PPP2R2B: variants seen among roughly 807,000 people sequenced by gnomAD.
The protein encoded by PPP2R2B is protein phosphatase 2 regulatory subunit Bbeta.
In PPP2R2B, 5 loss-of-function variants were observed where a neutral mutation model predicts 46.0. That is an observed-to-expected ratio of 0.11 (90% confidence interval 0.06 to 0.23). PPP2R2B has a LOEUF of 0.23. Among genes scored for constraint, PPP2R2B ranks in the 10% least tolerant of loss-of-function variants. PPP2R2B has a pLI of 1.00. For missense variants in PPP2R2B, 367 were observed against 575.0 expected (o/e 0.64, Z 3.70); for synonymous variants, 215 against 206.7 (o/e 1.04, Z -0.34).
intron 8 of PPP2R2B, among the ~76,000 whole-genome samples, chr5:146,599,482 T>C (rs1270727328): frequency 6.6e-6 from 1 of 152,208 alleles, no homozygotes; most frequent in African/African-American, 2.4e-5. Context: ...TGGTCCTCCA[T>C]TGTACCCAGT....
chr5:146,695,286 TA>T (rs1007759893), intron 4 of PPP2R2B, among the ~76,000 whole-genome samples: 3 of 152,268 alleles, frequency 2.0e-5, no homozygotes, highest in African/African-American at 7.2e-5. Flanking sequence ...TGTTTTTCTA[TA>T]TTTTTTTTTC....
chr5:147,054,769 C>A, intron 1 of PPP2R2B: 1 of 447,656 alleles, frequency 2.2e-6, no homozygotes, highest in Non-Finnish European at 4.5e-6. Context: ...GCATCCTCAA[C>A]CCTTTTCAAT....
chr5:146,785,690 T>C (rs905323997), intron 2 of PPP2R2B, among the ~76,000 whole-genome samples: 3 of 152,176 alleles, frequency 2.0e-5, no homozygotes, highest in Non-Finnish European at 4.4e-5. Flanking sequence ...AATGGAGTAA[T>C]TTTTAAAAAG....
At chr5:147,046,868 C>T (rs1450385300) in intron 1 of PPP2R2B, among the ~76,000 whole-genome samples, 1 of 152,140 alleles carries the variant, frequency 6.6e-6, no homozygotes, top group African/African-American at 2.4e-5. Context: ...CCTCCCTCTG[C>T]TAAGTTCCTT....
intron 2 of PPP2R2B, among the ~76,000 whole-genome samples, chr5:146,756,678 G>A (rs1753851830): frequency 6.6e-6 from 1 of 151,960 alleles, no homozygotes; most frequent in Non-Finnish European, 1.5e-5. Context: ...TGAAAAATGG[G>A]GCTGATAATA....
At position 146,583,203 on chromosome 5, in the gene PPP2R2B, C is replaced by T. The variant is rs1425221694; in HGVS notation, c.*6744G>A. The T allele has an allele frequency of 2.0e-5, 3 of 152,248 alleles. No homozygotes were observed. In the East Asian group the frequency reaches 5.8e-4, roughly 29 times the overall value. The allele number at this position is 152,248 out of a possible 1,614,324, so 9.4% of individuals were successfully genotyped here. A position where few individuals can be genotyped will look rare whatever the true frequency, so the allele number is the denominator to read the frequency against. ...GATTTCACCTTGGGAATCACCTCCT[C>T]TGGGAAGCTTCTGGTCTGGATGAGT... On this transcript the variant is annotated 3_prime_UTR_variant, in exon 10 of 10. Transcript: ENST00000394411.
intron 6 of PPP2R2B, among the ~76,000 whole-genome samples, chr5:146,649,283 T>G (rs1229324935): frequency 1.3e-5 from 2 of 152,140 alleles, no homozygotes; most frequent in Admixed American, 1.3e-4. Context: ...TCAGTGCCAT[T>G]CCTCATAAAT....
At position 146,848,278 on chromosome 5, in the gene PPP2R2B, C is replaced by T. The variant is rs1459141139; in HGVS notation, c.70+29724G>A. ...GTGAATATCTTATGTTAGTGTGGTA[C>T]GTTTTTATAAGTAATGAAGCAATAT... On this transcript the variant is annotated intron_variant, in intron 2 of 9. Coordinates refer to ENST00000394411, the MANE Select transcript of PPP2R2B (RefSeq NM_181675.4). 1.4e-4 allele frequency among the ~76,000 whole-genome samples: 22 copies of T among 152,164 alleles called. No individual in the cohort carries two copies. The East Asian group carries it at 1.7e-3, about 12-fold the overall frequency.
At chr5:146,834,939 CA>C (rs1187464167) in intron 2 of PPP2R2B, among the ~76,000 whole-genome samples, 1 of 152,138 alleles carries the variant, frequency 6.6e-6, no homozygotes, top group Non-Finnish European at 1.5e-5. Flanking sequence ...TCCACATTGC[CA>C]CAAAGGACAT....
chr5:146,715,754 T>G (rs1780462284), intron 2 of PPP2R2B, among the ~76,000 whole-genome samples: 1 of 152,208 alleles, frequency 6.6e-6, no homozygotes, highest in Non-Finnish European at 1.5e-5. Flanking sequence ...TTTTGTGGGC[T>G]GCTTCTTTTC....
intron 1 of PPP2R2B, among the ~76,000 whole-genome samples, chr5:146,987,351 A>G (rs943593919): frequency 1.1e-4 from 17 of 152,148 alleles, no homozygotes; most frequent in Admixed American, 5.2e-4. Flanking sequence ...ACAAAAGTAT[A>G]TACTGTAACC....
intron 5 of PPP2R2B, among the ~76,000 whole-genome samples, chr5:146,668,958 T>C (rs1362514407): frequency 6.6e-6 from 1 of 152,124 alleles, no homozygotes; most frequent in African/African-American, 2.4e-5. Flanking sequence ...GAATATAAAT[T>C]ATTTTCTCCA....
intron 5 of PPP2R2B, among the ~76,000 whole-genome samples, chr5:146,680,473 C>T (rs541909221): frequency 6.6e-6 from 1 of 151,494 alleles, no homozygotes; most frequent in African/African-American, 2.4e-5. Flanking sequence ...TGCAGCGCAC[C>T]AGCATGGCAC....
At chr5:146,813,315 C>G (rs773006499) in intron 2 of PPP2R2B, among the ~76,000 whole-genome samples, 1 of 151,990 alleles carries the variant, frequency 6.6e-6, no homozygotes, top group Non-Finnish European at 1.5e-5. Context: ...TTTGGAGTTA[C>G]ATTATTTGGA....
intron 2 of PPP2R2B, among the ~76,000 whole-genome samples, chr5:146,816,562 A>G (rs1382281577): frequency 6.6e-6 from 1 of 152,258 alleles, no homozygotes; most frequent in Non-Finnish European, 1.5e-5. Flanking sequence ...AAATCACATT[A>G]CAAAATGATG....
intron 2 of PPP2R2B, among the ~76,000 whole-genome samples, chr5:146,848,853 C>T (rs1760167960): frequency 6.6e-6 from 1 of 152,102 alleles, no homozygotes; most frequent in South Asian, 2.1e-4. Flanking sequence ...ATTTTCTCCT[C>T]CTCTCCTATT....
intron 1 of PPP2R2B, among the ~76,000 whole-genome samples, chr5:146,961,928 G>A (rs1412493677): frequency 6.6e-6 from 1 of 151,772 alleles, no homozygotes; most frequent in African/African-American, 2.4e-5. Context: ...TTGCTTGTGT[G>A]TGTCCCTAGA....
chr5:146,761,867 A>AT (rs535084783), intron 2 of PPP2R2B, among the ~76,000 whole-genome samples: 90 of 152,274 alleles, frequency 5.9e-4, no homozygotes, highest in African/African-American at 2.1e-3. Flanking sequence ...TTGATGAGGG[A>AT]TAAAAAAAGA....
At chr5:146,814,845 G>T (rs1757833714) in intron 2 of PPP2R2B, among the ~76,000 whole-genome samples, 2 of 152,140 alleles carry the variant, frequency 1.3e-5, no homozygotes, top group Admixed American at 1.3e-4. Flanking sequence ...CTGCGCACTT[G>T]ATCTCTCAAG....
Sources: allele counts gnomAD v4.1 joint callset (sites outside exome capture counted in the v4.1 genomes callset), GRCh38; gene constraint gnomAD v4.1.1; transcripts MANE v1.5; gene names NCBI Gene and HGNC (gene_info 2026-07-23, HGNC 2026-07-21).